The following TMEM132D variants were observed in gnomAD, a reference collection of about 807,000 sequenced individuals.
TMEM132D encodes the protein mature OL transmembrane protein.
In TMEM132D, 21 loss-of-function variants were observed where a neutral mutation model predicts 62.3. That is an observed-to-expected ratio of 0.34 (90% CI 0.24 to 0.49). The LOEUF (loss-of-function observed/expected upper bound fraction) is 0.49. Among genes scored for constraint, TMEM132D ranks in the 20% least tolerant of loss-of-function variants. The pLI, the probability that TMEM132D is intolerant of heterozygous loss-of-function variation, is 0.99. For synonymous variants in TMEM132D, 621 were observed against 575.6 expected (o/e 1.08, Z -1.13); for missense variants, 1,346 against 1,402.8 (o/e 0.96, Z 0.65).
chr12:129,547,288 G>A (rs892662465), intron 2 of TMEM132D, among the ~76,000 whole-genome samples: 1 of 152,104 alleles, frequency 6.6e-6, no homozygotes, highest in Non-Finnish European at 1.5e-5. Flanking sequence ...GCCCAGCCTG[G>A]AGTGAATTGG....
rs1449256349 is a variant in TMEM132D, at chr12:129,441,965, G to A, written c.1115+89094C>T. Among the ~76,000 whole-genome samples, 8 of 152,100 alleles carry A rather than the reference G, an allele frequency of 5.3e-5. No individual in the cohort carries two copies. The East Asian group carries it at 1.5e-3, about 29-fold the overall frequency. ...CATGGACATAAAGATGGCAACAGTC[G>A]GCCTGGAGGCTACTAGAAGCAAGAG... On this transcript the variant is annotated intron_variant, in intron 3 of 8. Coordinates refer to ENST00000422113, the MANE Select transcript of TMEM132D (RefSeq NM_133448.3).
chr12:129,449,240 C>A (rs1002314886), intron 3 of TMEM132D, among the ~76,000 whole-genome samples: 2 of 152,142 alleles, frequency 1.3e-5, no homozygotes, highest in Non-Finnish European at 2.9e-5. Context: ...AGCACTTGGA[C>A]CCTTACCTAC....
chr12:129,462,547 A>G (rs1312216499), intron 3 of TMEM132D, among the ~76,000 whole-genome samples: 1 of 152,210 alleles, frequency 6.6e-6, no homozygotes, highest in Non-Finnish European at 1.5e-5. Flanking sequence ...GGACATTATT[A>G]TCAAAGCTAT....
intron 1 of TMEM132D, among the ~76,000 whole-genome samples, chr12:129,894,291 T>G (rs1875029932): frequency 6.6e-6 from 1 of 152,082 alleles, no homozygotes; most frequent in South Asian, 2.1e-4. Context: ...TCCATGAGAG[T>G]GTATGGGGGA....
chr12:129,192,822 G>A (rs1878441390), intron 5 of TMEM132D, among the ~76,000 whole-genome samples: 2 of 152,142 alleles, frequency 1.3e-5, no homozygotes, highest in Admixed American at 1.3e-4. Flanking sequence ...ACCAAAGGAG[G>A]TTCAAATCCT....
intron 4 of TMEM132D, among the ~76,000 whole-genome samples, chr12:129,296,973 C>T (rs1401082484): frequency 2.6e-5 from 4 of 152,216 alleles, no homozygotes; most frequent in Non-Finnish European, 4.4e-5. Context: ...AACCAGTTTC[C>T]ATTTTTCAAT....
intron 2 of TMEM132D, among the ~76,000 whole-genome samples, chr12:129,681,251 AAAAGCTACTATG>A (rs1164421843): frequency 6.6e-6 from 1 of 152,218 alleles, no homozygotes; most frequent in African/African-American, 2.4e-5. Context: ...TTGCTGCTTC[AAAAGCTACTATG>A]AAACCCAGTG....
intron 2 of TMEM132D, among the ~76,000 whole-genome samples, chr12:129,591,259 C>A (rs1464679959): frequency 1.3e-5 from 2 of 152,188 alleles, no homozygotes; most frequent in South Asian, 2.1e-4. Flanking sequence ...TCGTGGGTAA[C>A]CCTTAAATGA....
chr12:129,823,020 C>T (rs1203894005), intron 1 of TMEM132D, among the ~76,000 whole-genome samples: 1 of 152,144 alleles, frequency 6.6e-6, no homozygotes. Flanking sequence ...TAGTACCATC[C>T]ACTTAGAACT....
chr12:129,803,656 A>G (rs1279890677), intron 1 of TMEM132D, among the ~76,000 whole-genome samples: 1 of 151,262 alleles, frequency 6.6e-6, no homozygotes, highest in East Asian at 2.0e-4. Flanking sequence ...AAACACATTC[A>G]AAAGCTAGCA....
At chr12:129,197,778 T>C (rs1488087283) in intron 5 of TMEM132D, among the ~76,000 whole-genome samples, 5 of 152,056 alleles carry the variant, frequency 3.3e-5, no homozygotes, top group South Asian at 2.1e-4. Context: ...CAAAACAAAA[T>C]AGACAAATGA....
At chr12:129,551,493 T>C (rs930645974) in intron 2 of TMEM132D, among the ~76,000 whole-genome samples, 1 of 152,226 alleles carries the variant, frequency 6.6e-6, no homozygotes, top group East Asian at 1.9e-4. Context: ...ATTTTGATCA[T>C]CTGAGCCAAT....
chr12:129,413,207 G>A (rs542983810), intron 3 of TMEM132D, among the ~76,000 whole-genome samples: 4 of 152,156 alleles, frequency 2.6e-5, no homozygotes, highest in African/African-American at 9.7e-5. Flanking sequence ...TGTGGGAGGG[G>A]CCTGGTGGGA....
chr12:129,564,727 G>A (rs1416294460), intron 2 of TMEM132D, among the ~76,000 whole-genome samples: 2 of 152,300 alleles, frequency 1.3e-5, no homozygotes, highest in African/African-American at 4.8e-5. Flanking sequence ...ATATTTTCAA[G>A]GGTTCTGCAA....
intron 2 of TMEM132D, among the ~76,000 whole-genome samples, chr12:129,666,752 T>G (rs1382237520): frequency 6.6e-6 from 1 of 152,170 alleles, no homozygotes; most frequent in African/African-American, 2.4e-5. Flanking sequence ...GGTTTTTCAC[T>G]AAAAATAAAA....
chr12:129,364,668 T>C (rs141203812), intron 3 of TMEM132D, among the ~76,000 whole-genome samples: 12 of 152,288 alleles, frequency 7.9e-5, no homozygotes, highest in Non-Finnish European at 1.8e-4. Flanking sequence ...CCATGGGCCC[T>C]TATACAAAAA....
chr12:129,334,711 T>C (rs1593341053), intron 4 of TMEM132D, among the ~76,000 whole-genome samples: 1 of 152,204 alleles, frequency 6.6e-6, no homozygotes, highest in South Asian at 2.1e-4. Flanking sequence ...TGCCTCAGCC[T>C]CCTGAGTAGC....
At chr12:129,427,653 A>T (rs943942719) in intron 3 of TMEM132D, among the ~76,000 whole-genome samples, 2 of 152,182 alleles carry the variant, frequency 1.3e-5, no homozygotes, top group African/African-American at 2.4e-5. Context: ...TTTTGTTAGT[A>T]AAAGGTAAAA....
chr12:129,702,113 T>G (rs925915999), intron 1 of TMEM132D, among the ~76,000 whole-genome samples: 3 of 152,152 alleles, frequency 2.0e-5, no homozygotes, highest in African/African-American at 7.2e-5. Flanking sequence ...AGACAAGAAG[T>G]TCAACGCATG....
Sources: allele counts gnomAD v4.1 joint callset (sites outside exome capture counted in the v4.1 genomes callset), GRCh38; gene constraint gnomAD v4.1.1; transcripts MANE v1.5; gene names NCBI Gene and HGNC (gene_info 2026-07-23, HGNC 2026-07-21).